The following DOCK9 variants were observed in gnomAD, a reference collection of about 807,000 sequenced individuals.
DOCK9 encodes dedicator of cytokinesis 9, also known as dedicator of cytokinesis protein 9.
DOCK9 carries 89 observed loss-of-function variants against 263.3 expected under a neutral mutation model. The observed-to-expected ratio is 0.34, with a 90% CI of 0.28 to 0.40. DOCK9 has a LOEUF of 0.40. Among genes scored for constraint, DOCK9 ranks in the 10% least tolerant of loss-of-function variants. The pLI is 1.00. For synonymous variants in DOCK9, 976 were observed against 973.1 expected, an observed-to-expected ratio of 1.00 and a Z score of -0.06; for missense variants, 2,140 against 2,603.4, an observed-to-expected ratio of 0.82 and a Z score of 3.87.
rs563044097 is a variant in DOCK9, at chr13:98,888,112, G to C, written c.2043+46C>G. On this transcript the variant is annotated intron_variant, in intron 18 of 52. Transcript: ENST00000682017. ...ATCATGAAAGTGCATTTTGAAAATGGAAAAATCAGAATTCGTAGGTGAACA... is the reference window on the plus strand; with the variant it reads ...ATCATGAAAGTGCATTTTGAAAATGCAAAAATCAGAATTCGTAGGTGAACA... 149 of 1,393,460 alleles carry C rather than the reference G, an allele frequency of 1.1e-4. 4 individuals carry two copies. The South Asian group carries it at 1.8e-3, about 17-fold the overall frequency. The allele number at this position is 1,393,460 out of a possible 1,614,324, so 86.3% of individuals were successfully genotyped here.
At chr13:98,992,342 T>C (rs1243423813) in intron 1 of DOCK9, among the ~76,000 whole-genome samples, 1 of 152,136 alleles carries the variant, frequency 6.6e-6, no homozygotes, top group Non-Finnish European at 1.5e-5. Context: ...TGTGGGAGTG[T>C]CAGCCCCTTA....
intron 1 of DOCK9, among the ~76,000 whole-genome samples, chr13:98,991,764 C>T (rs1208044092): frequency 3.3e-5 from 5 of 151,828 alleles, no homozygotes; most frequent in Admixed American, 6.6e-5. Context: ...GTCTCTTCTT[C>T]CTAGGCAGTC....
intron 1 of DOCK9, among the ~76,000 whole-genome samples, chr13:99,031,548 G>A (rs1017865581): frequency 2.0e-5 from 3 of 152,170 alleles, no homozygotes; most frequent in African/African-American, 7.2e-5. Flanking sequence ...AGTTACATTG[G>A]TTCCTTAATA....
intron 45 of DOCK9, among the ~76,000 whole-genome samples, chr13:98,819,761 A>G (rs2092146624): frequency 6.6e-6 from 1 of 152,242 alleles, no homozygotes; most frequent in Non-Finnish European, 1.5e-5. Context: ...AGGTTTAACC[A>G]CCACGCTTGG....
At chr13:98,799,191 C>T (rs547781248) in intron 50 of DOCK9, among the ~76,000 whole-genome samples, 1 of 152,268 alleles carries the variant, frequency 6.6e-6, no homozygotes, top group African/African-American at 2.4e-5. Context: ...CAACAACTCA[C>T]GGTTCTTTAG....
chr13:98,983,458 G>C (rs1203584523), intron 1 of DOCK9, among the ~76,000 whole-genome samples: 1 of 152,094 alleles, frequency 6.6e-6, no homozygotes, highest in East Asian at 1.9e-4. Context: ...GCCAGCGAGG[G>C]AGGAGAGAAA....
intron 1 of DOCK9, among the ~76,000 whole-genome samples, chr13:98,989,991 T>G (rs1018506281): frequency 8.5e-5 from 13 of 152,192 alleles, no homozygotes; most frequent in African/African-American, 2.9e-4. Context: ...ATTGAAACAC[T>G]TGCTTAGCAG....
intron 27 of DOCK9, 71 bp downstream of exon 27, chr13:98,879,827 C>G: frequency 3.1e-6 from 4 of 1,293,390 alleles, no homozygotes; most frequent in South Asian, 1.4e-5. Context: ...CATGAAGAAA[C>G]GTTCACTACA....
intron 1 of DOCK9, among the ~76,000 whole-genome samples, chr13:98,971,566 G>A (rs1274436577): frequency 7.1e-6 from 1 of 140,294 alleles, no homozygotes; most frequent in Non-Finnish European, 1.5e-5. Flanking sequence ...AAACTAGCCG[G>A]GTGTTGTGGT....
intron 38 of DOCK9, among the ~76,000 whole-genome samples, chr13:98,838,724 CAAAG>C (rs1351586054): frequency 6.6e-6 from 1 of 152,122 alleles, no homozygotes; most frequent in African/African-American, 2.4e-5. Context: ...ATCTAGATTA[CAAAG>C]AAAGATGGCA....
At position 98,975,023 on chromosome 13, in the gene DOCK9, G is replaced by A. The variant is rs540872710; in HGVS notation, c.126+2761C>T. ...GCCTCATTACTAATGCAAACAATTA[G>A]AAACAAATTAAATAACGATCCAATT... On this transcript the variant is annotated intron_variant, in intron 1 of 52. Coordinates refer to ENST00000682017, the MANE Select transcript of DOCK9 (RefSeq NM_001366683.2). Among the ~76,000 whole-genome samples the A allele has an allele frequency of 8.3e-4, 126 of 152,208 alleles. 2 individuals carry two copies. The South Asian group carries it at 0.026, about 31-fold the overall frequency.
chr13:98,835,733 CTTTTTTTT>C (rs142745340), intron 39 of DOCK9, among the ~76,000 whole-genome samples: 5 of 79,370 alleles, frequency 6.3e-5, no homozygotes, highest in Non-Finnish European at 8.7e-5. Context: ...CTTTACAACT[CTTTTTTTT>C]TTTTTTTTTT....
At chr13:98,849,671 C>T (rs2093504298) in intron 36 of DOCK9, among the ~76,000 whole-genome samples, 1 of 152,124 alleles carries the variant, frequency 6.6e-6, no homozygotes, top group Non-Finnish European at 1.5e-5. Context: ...ACTTTTACTT[C>T]TTATATTTTA....
chr13:98,810,205 A>G lies in DOCK9; in HGVS notation c.5217T>C (p.Leu1739=), dbSNP rs1283739483. ...RYELIADIYK[L]IIPIYEKRRD... ...TCCGCTTCTCATAAATGGGGATGAT[A>G]AGTTTGTAGATGTCGGCGATGAGCT... Residue 1739 remains leucine, a synonymous_variant, in exon 46 of 53, where the codon CTT becomes CTC. Transcript: ENST00000682017. The G allele has an allele frequency of 3.1e-6, 5 of 1,613,840 alleles. No homozygotes were observed. The highest frequency in any genetic ancestry group is 4.2e-6 in the Non-Finnish European group (5 of 1,179,906).
intron 13 of DOCK9, among the ~76,000 whole-genome samples, chr13:98,898,795 A>G (rs2047818671): frequency 6.6e-6 from 1 of 152,198 alleles, no homozygotes; most frequent in South Asian, 2.1e-4. Context: ...CTTGCTTTCT[A>G]AACATGAATT....
rs369673230 is a variant in DOCK9 at position 98,899,177 on chromosome 13, G to T, written c.1504-916C>A. On this transcript the variant is annotated intron_variant, in intron 13 of 52. Coordinates refer to ENST00000682017, the MANE Select transcript of DOCK9 (RefSeq NM_001366683.2). ...ATCAGCATCACTGTAGAAATGCAGA[G>T]TCTCAGGCCTTGCCCCAAACTTCCT... Among the ~76,000 whole-genome samples the T allele has an allele frequency of 1.9e-4, 29 of 151,654 alleles. No individual in the cohort carries two copies. In the South Asian group the frequency reaches 6.0e-3, roughly 32 times the overall value.
chr13:98,797,282 G>A (rs756673186), intron 51 of DOCK9, 29 bp from the exon 52 acceptor site: 10 of 1,613,320 alleles, frequency 6.2e-6, no homozygotes, highest in Non-Finnish European at 8.5e-6. Context: ...GAGAAACAAA[G>A]GCACGCAGAG....
intron 1 of DOCK9, among the ~76,000 whole-genome samples, chr13:99,026,890 T>TGCAGAGTACCTCTAACAGAGTACTCTA (rs574438834): frequency 1.5e-3 from 229 of 152,308 alleles, no homozygotes; most frequent in African/African-American, 4.9e-3. Context: ...AAGAGCACAG[T>TGCAGAGTACCTCTAACAGAGTACTCTA]GCAGAGTACC....
intron 1 of DOCK9, among the ~76,000 whole-genome samples, chr13:99,074,133 C>T (rs1464868308): frequency 3.9e-5 from 6 of 152,258 alleles, no homozygotes; most frequent in African/African-American, 9.6e-5. Flanking sequence ...TGCCTGCTGA[C>T]GCAGCTACAG....
Sources: allele counts gnomAD v4.1 joint callset (sites outside exome capture counted in the v4.1 genomes callset), GRCh38; gene constraint gnomAD v4.1.1; transcripts MANE v1.5; gene names NCBI Gene and HGNC (gene_info 2026-07-23, HGNC 2026-07-21).